Variants in PCSK2 observed in about 807,000 individuals in gnomAD.
PCSK2 encodes proprotein convertase subtilisin/kexin type 2.
Under a neutral mutation model 69.7 loss-of-function variants are expected in PCSK2, and 14 were observed. The ratio of observed to expected loss-of-function variants is 0.20; its 90% confidence interval spans 0.13 to 0.31. PCSK2 has a LOEUF of 0.31. Ranked by LOEUF, PCSK2 falls within the 10% of genes least tolerant of loss-of-function variation. PCSK2 has a pLI of 1.00. For synonymous variants in PCSK2, 307 were observed against 320.7 expected (o/e 0.96, Z 0.46); for missense variants, 544 against 842.5 (o/e 0.65, Z 4.39).
At chr20:17,388,975 T>C (rs1448300034) in intron 5 of PCSK2, among the ~76,000 whole-genome samples, 5 of 152,180 alleles carry the variant, frequency 3.3e-5, no homozygotes, top group Admixed American at 3.3e-4. Flanking sequence ...TTGATTATGA[T>C]GATCAACCAA....
intron 11 of PCSK2, among the ~76,000 whole-genome samples, chr20:17,467,069 T>C (rs1024705679): frequency 6.6e-6 from 1 of 152,262 alleles, no homozygotes; most frequent in Non-Finnish European, 1.5e-5. Flanking sequence ...CCATCGAGCC[T>C]GGCCAGAGTC....
chr20:17,481,765 C>G lies in PCSK2; in HGVS notation c.1612C>G (p.Arg538Gly), dbSNP rs746136077. 3 of 1,614,010 alleles carry G rather than the reference C, an allele frequency of 1.9e-6. No individual in the cohort carries two copies. Among genetic ancestry groups the G allele is most frequent in the East Asian group, 4.5e-5 (2 of 44,878 alleles). The stretch of plus-strand genomic sequence containing the variant: ...GGGCACCAAGTCCATTTTGCTGAGC[C>G]GGCGTCCAAGGGATGACGACTCCAA... ...PMGTKSILLSRRPRDDDSKVG... is the reference protein window; with the variant it reads ...PMGTKSILLSGRPRDDDSKVG... The change falls in exon 12 of 12, where the codon CGG becomes GGG. Residue 538 changes from arginine to glycine, a missense_variant. This residue lies in a region of PCSK2 where 200 missense variants were observed against 287.8 expected (regional missense o/e 0.69). Coordinates refer to ENST00000262545, the MANE Select transcript of PCSK2 (RefSeq NM_002594.5).
intron 1 of PCSK2, among the ~76,000 whole-genome samples, chr20:17,234,484 A>G (rs972468296): frequency 6.6e-6 from 1 of 152,186 alleles, no homozygotes; most frequent in Non-Finnish European, 1.5e-5. Context: ...CCATTCAGCT[A>G]GGAAATAGAA....
At chr20:17,448,672 T>A (rs780183317) in intron 8 of PCSK2, among the ~76,000 whole-genome samples, 1 of 152,084 alleles carries the variant, frequency 6.6e-6, no homozygotes, top group Non-Finnish European at 1.5e-5. Flanking sequence ...AAAACACACA[T>A]GGTTGTGATC....
At chr20:17,347,998 GAGAA>G (rs142334200) in intron 2 of PCSK2, among the ~76,000 whole-genome samples, 16,920 of 114,204 alleles carry the variant, frequency 0.15, 2,323 homozygotes, top group African/African-American at 0.23. Context: ...AGAGAAAAAA[GAGAA>G]AGAAAGAAAG....
rs534542504 is a variant in PCSK2 at position 17,443,813 on chromosome 20, C to T, written c.885+6930C>T. 2.6e-5 allele frequency among the ~76,000 whole-genome samples: 4 copies of T among 152,274 alleles called. No individual in the cohort carries two copies. The South Asian group carries it at 8.3e-4, about 32-fold the overall frequency. ...AGTGTGATTGTCCTGCAAAGCATGC[C>T]GAGCCCGCTGAAGCTTAAGAGAAAA... On this transcript the variant is annotated intron_variant, in intron 8 of 11. Coordinates refer to ENST00000262545, the MANE Select transcript of PCSK2 (RefSeq NM_002594.5).
chr20:17,309,239 G>T (rs1426421370), intron 2 of PCSK2, among the ~76,000 whole-genome samples: 1 of 152,098 alleles, frequency 6.6e-6, no homozygotes, highest in East Asian at 1.9e-4. Flanking sequence ...AATAGTGAGG[G>T]CTATGACAGC....
chr20:17,365,188 A>T (rs576015177), intron 4 of PCSK2, among the ~76,000 whole-genome samples: 1 of 152,270 alleles, frequency 6.6e-6, no homozygotes, highest in African/African-American at 2.4e-5. Flanking sequence ...TGCTTCCAAG[A>T]TGGCCCCTTG....
At chr20:17,408,908 A>G (rs1308552648) in intron 5 of PCSK2, among the ~76,000 whole-genome samples, 1 of 152,218 alleles carries the variant, frequency 6.6e-6, no homozygotes, top group Non-Finnish European at 1.5e-5. Flanking sequence ...CATCTGTCCA[A>G]GGAAGGATTA....
At position 17,427,580 on chromosome 20, in the gene PCSK2, C is replaced by T. The variant is rs139933988; in HGVS notation, c.621-1855C>T. Reference sequence around the variant, plus strand: ...TGTCAGTAATCTACTGCCATGATAACGCTGCATAACAAATTATTCCAGAAT... The same window carrying T: ...TGTCAGTAATCTACTGCCATGATAATGCTGCATAACAAATTATTCCAGAAT... On this transcript the variant is annotated intron_variant, in intron 6 of 11. Coordinates refer to ENST00000262545, the MANE Select transcript of PCSK2 (RefSeq NM_002594.5). Among the ~76,000 whole-genome samples the T allele has an allele frequency of 4.1e-4, 63 of 152,278 alleles. No homozygotes were observed. In the East Asian group the frequency reaches 0.01, roughly 24 times the overall value.
chr20:17,392,442 A>G (rs992451279), intron 5 of PCSK2, among the ~76,000 whole-genome samples: 14 of 152,228 alleles, frequency 9.2e-5, no homozygotes, highest in Non-Finnish European at 1.9e-4. Flanking sequence ...ACTCTAGTCC[A>G]ATAGCCAATT....
rs1164266992 is a variant in PCSK2 at position 17,480,184 on chromosome 20, C to CTTTT, written c.1431-1380_1431-1377dup. Among the ~76,000 whole-genome samples the CTTTT allele has an allele frequency of 3.3e-3, 253 of 76,926 alleles. 4 individuals carry two copies. Among genetic ancestry groups the CTTTT allele is most frequent in the African/African-American group, 8.2e-3 (139 of 17,038 alleles). 50.5% of individuals were successfully genotyped at this position (76,926 alleles called of 152,430 possible). Reference sequence around the variant, plus strand: ...ATTAATTTACCCATTTTCAGCTTTTCTTTTTTTTTTTTTTTTTTTTTTTGA... The same window carrying CTTTT: ...ATTAATTTACCCATTTTCAGCTTTTCTTTTTTTTTTTTTTTTTTTTTTTTTTTGA... On this transcript the variant is annotated intron_variant, in intron 11 of 11. Transcript: ENST00000262545.
intron 1 of PCSK2, among the ~76,000 whole-genome samples, chr20:17,258,392 C>T (rs375008094): frequency 6.6e-6 from 1 of 152,118 alleles, no homozygotes; most frequent in East Asian, 1.9e-4. Context: ...GTTCTATTTG[C>T]TTTTCTATAG....
At chr20:17,322,150 C>T (rs1368273747) in intron 2 of PCSK2, among the ~76,000 whole-genome samples, 1 of 152,166 alleles carries the variant, frequency 6.6e-6, no homozygotes, top group African/African-American at 2.4e-5. Context: ...GCTTATCACA[C>T]TTCCTGCAAT....
Position 17,294,296 on chromosome 20 carries a change from CG to C in PCSK2, c.282+33956del, listed in dbSNP as rs1284813447. Among the ~76,000 whole-genome samples the C allele has an allele frequency of 8.0e-5, 12 of 150,890 alleles. No homozygotes were observed. The South Asian group carries it at 8.4e-4, about 11-fold the overall frequency. On this transcript the variant is annotated intron_variant, in intron 2 of 11. Coordinates refer to ENST00000262545, the MANE Select transcript of PCSK2 (RefSeq NM_002594.5). ...ATTTTTTTTGTATTTTTAGTAGAGA[CG>C]GGGTTTCACCGTGTTAGCCAGGATG...
rs541075714 is a variant in PCSK2, at chr20:17,239,696, CAT to C, written c.177+12218_177+12219del. ...AAGATTATTAAGGTCATTCAACAAA[CAT>C]ATACTGAGTAAGTTCAGTAAACAAA... On this transcript the variant is annotated intron_variant, in intron 1 of 11. Coordinates refer to ENST00000262545, the MANE Select transcript of PCSK2 (RefSeq NM_002594.5). Among the ~76,000 whole-genome samples, 324 of 152,178 alleles carry C rather than the reference CAT, an allele frequency of 2.1e-3. 1 individual carries two copies. Among genetic ancestry groups the C allele is most frequent in the Non-Finnish European group, 3.3e-3 (224 of 68,006 alleles).
At chr20:17,245,409 T>C (rs933186087) in intron 1 of PCSK2, among the ~76,000 whole-genome samples, 1 of 152,222 alleles carries the variant, frequency 6.6e-6, no homozygotes, top group South Asian at 2.1e-4. Context: ...TTCTAGCTTT[T>C]TAAAGGGATA....
intron 2 of PCSK2, among the ~76,000 whole-genome samples, chr20:17,271,343 T>C (rs1040149075): frequency 4.6e-5 from 7 of 152,028 alleles, no homozygotes; most frequent in African/African-American, 1.7e-4. Flanking sequence ...TGGGATTTGG[T>C]TTAAGATTTC....
At chr20:17,274,233 C>T (rs1180494204) in intron 2 of PCSK2, among the ~76,000 whole-genome samples, 1 of 152,138 alleles carries the variant, frequency 6.6e-6, no homozygotes, top group East Asian at 1.9e-4. Context: ...ATTGTATTGG[C>T]AGCAATACTG....
Sources: allele counts gnomAD v4.1 joint callset (sites outside exome capture counted in the v4.1 genomes callset), GRCh38; gene constraint gnomAD v4.1.1; regional missense constraint gnomAD v4.1.1; transcripts MANE v1.5; gene names NCBI Gene and HGNC (gene_info 2026-07-23, HGNC 2026-07-21).